The following RAB25 variants were observed in gnomAD, a reference collection of about 807,000 sequenced individuals.
RAB25 encodes RAB25, member RAS oncogene family, also known as ras-related protein Rab-25.
RAB25 carries 23 observed loss-of-function variants against 25.2 expected under a neutral mutation model. The observed-to-expected ratio is 0.91, with a 90% CI of 0.66 to 1.29. RAB25 has a LOEUF of 1.29. Among genes scored for constraint, RAB25 ranks in the 50% most tolerant of loss-of-function variants. The pLI is 0.00. For missense variants in RAB25, 244 were observed against 277.3 expected (o/e 0.88, Z 0.85); for synonymous variants, 102 against 111.5 (o/e 0.91, Z 0.54).
chr1:156,068,205 C>G (rs1475447266), intron 2 of RAB25, 65 bp from the exon 3 acceptor site: 4 of 1,403,552 alleles, frequency 2.8e-6, no homozygotes, highest in Non-Finnish European at 4.0e-6. Flanking sequence ...CTTGACGGCT[C>G]TGCTCTGATG....
intron 1 of RAB25, among the ~76,000 whole-genome samples, chr1:156,064,354 C>T (rs1213191540): frequency 6.6e-6 from 1 of 151,998 alleles, no homozygotes; most frequent in East Asian, 1.9e-4. Flanking sequence ...AATCCTTCCA[C>T]CTCAGCCTCT....
intron 2 of RAB25, 138 bp downstream of exon 2, chr1:156,066,244 A>G: frequency 1.4e-6 from 1 of 733,714 alleles, no homozygotes; most frequent in East Asian, 2.9e-5. Flanking sequence ...AGATCACAGA[A>G]GATAAAAGGT....
rs1647731568 is a variant in RAB25, at chr1:156,066,035, G to A, written c.168G>A (p.Leu56=). 1.2e-6 allele frequency: 2 copies of A among 1,613,590 alleles called. No individual in the cohort carries two copies. Among genetic ancestry groups the A allele is most frequent in the Middle Eastern group, 1.6e-4 (1 of 6,078 alleles). The change falls in exon 2 of 5, where the codon TTG becomes TTA. Residue 56 remains leucine, a synonymous_variant. Coordinates refer to ENST00000361084, the MANE Select transcript of RAB25 (RefSeq NM_020387.4). ...GVEFSTRTVM[L]GTAAVKAQIW... ...AGTTCTCCACCCGCACTGTGATGTT[G>A]GGCACCGCTGCTGTCAAGGCTCAGA...
intron 1 of RAB25, among the ~76,000 whole-genome samples, chr1:156,063,163 T>A (rs554318519): frequency 1.7e-4 from 26 of 149,870 alleles, no homozygotes; most frequent in African/African-American, 5.9e-4. Context: ...TGAGACGGAG[T>A]CTCGCTCTGT....
chr1:156,069,996 A>C, intron 4 of RAB25, 164 bp from the exon 5 acceptor site: 1 of 1,116,602 alleles, frequency 9.0e-7, no homozygotes, highest in Non-Finnish European at 1.3e-6. Context: ...AAGTAAGTAG[A>C]AGGGACCCCT....
intron 2 of RAB25, 129 bp downstream of exon 2, chr1:156,066,235 G>A (rs1208998026): frequency 5.2e-6 from 4 of 766,320 alleles, no homozygotes; most frequent in Non-Finnish European, 5.9e-6. Flanking sequence ...TGGGGATGGA[G>A]ATCACAGAAG....
At position 156,065,925 on chromosome 1, in the gene RAB25, G is replaced by T. The variant is rs187413267; in HGVS notation, c.58G>T (p.Glu20Ter). The T allele has an allele frequency of 6.2e-7, 1 of 1,602,164 alleles. No homozygotes were observed. The highest frequency in any genetic ancestry group is 8.5e-7 in the Non-Finnish European group (1 of 1,171,936). ...CACTCCTTCAGTGGTGCTGATCGGCGAATCAGGTGTGGGGAAGACCAATCT... is the reference window on the plus strand; with the variant it reads ...CACTCCTTCAGTGGTGCTGATCGGCTAATCAGGTGTGGGGAAGACCAATCT... ...NFVFKVVLIG[E>*]SGVGKTNLLS... Residue 20 changes from glutamate to a stop codon, truncating the protein, a stop_gained, in exon 2 of 5, where the codon GAA (glutamate) becomes TAA (stop). Coordinates refer to ENST00000361084, the MANE Select transcript of RAB25 (RefSeq NM_020387.4). LOFTEE classifies it high-confidence loss of function.
chr1:156,070,482 CAAAT>C lies in RAB25; in HGVS notation c.*199_*202del. 1.5e-6 allele frequency: 1 copy of C among 684,046 alleles called. No individual in the cohort carries two copies. The highest frequency in any genetic ancestry group is 2.4e-6 in the Non-Finnish European group (1 of 418,748). 42.4% of individuals were successfully genotyped at this position (684,046 alleles called of 1,614,324 possible). A position where few individuals can be genotyped will look rare whatever the true frequency, so the allele number is the denominator to read the frequency against. On this transcript the variant is annotated 3_prime_UTR_variant, in exon 5 of 5. Coordinates refer to ENST00000361084, the MANE Select transcript of RAB25 (RefSeq NM_020387.4). ...TCCACCCCTCACAGACTAGGACCCT[CAAAT>C]AAAGCTGTTTTATATCAATGCCTGG...
At chr1:156,061,648 T>A (rs1455045728) in intron 1 of RAB25, among the ~76,000 whole-genome samples, 1 of 152,076 alleles carries the variant, frequency 6.6e-6, no homozygotes, top group Non-Finnish European at 1.5e-5. Context: ...TGCTCTACTG[T>A]GGTAAATAAT....
In RAB25 at chr1:156,070,265, G is replaced by A. The variant is rs1558098855; in HGVS notation, c.620G>A (p.Arg207Lys). 5 of 1,613,942 alleles carry A rather than the reference G, an allele frequency of 3.1e-6. No individual in the cohort carries two copies. In the Admixed American group the frequency reaches 5.0e-5, roughly 16 times the overall value. ...AGQEPGPGEK[R>K]ACCISL is the part of the protein sequence containing the mutation. ...CAGGAGCCTGGCCCTGGGGAGAAGA[G>A]GGCCTGTTGCATCAGCCTCTGACCT... The change falls in exon 5 of 5, where the codon AGG becomes AAG. Residue 207 changes from arginine to lysine, a missense_variant. Arg to Lys is a conservative substitution (Grantham distance 26, BLOSUM62 2). Transcript: ENST00000361084.
At chr1:156,069,843 C>A in intron 4 of RAB25, 92 bp downstream of exon 4, 1 of 1,188,694 alleles carries the variant, frequency 8.4e-7, no homozygotes. Flanking sequence ...CTCACCCCAG[C>A]TAATTTCTCA....
chr1:156,067,060 C>G (rs1647765873), intron 2 of RAB25, among the ~76,000 whole-genome samples: 1 of 152,090 alleles, frequency 6.6e-6, no homozygotes, highest in Non-Finnish European at 1.5e-5. Flanking sequence ...AGTGAAACCC[C>G]CGTCTCTACT....
chr1:156,061,535 T>A, intron 1 of RAB25, 92 bp downstream of exon 1: 1 of 1,342,754 alleles, frequency 7.4e-7, no homozygotes, highest in Non-Finnish European at 1.1e-6. Flanking sequence ...TTTTTTTATC[T>A]CTTACCAAGA....
At chr1:156,063,667 G>C (rs1647657856) in intron 1 of RAB25, among the ~76,000 whole-genome samples, 1 of 152,216 alleles carries the variant, frequency 6.6e-6, no homozygotes, top group African/African-American at 2.4e-5. Flanking sequence ...AGACGCTGAA[G>C]GAGCTGACAG....
intron 1 of RAB25, among the ~76,000 whole-genome samples, chr1:156,064,411 T>TTTTTTC (rs1647679296): frequency 1.3e-5 from 2 of 150,212 alleles, no homozygotes; most frequent in South Asian, 4.2e-4. Context: ...TGGCTAATTT[T>TTTTTTC]TTTTTCTTTT....
chr1:156,069,806 C>T, intron 4 of RAB25, 55 bp downstream of exon 4: 1 of 1,456,418 alleles, frequency 6.9e-7, no homozygotes. Flanking sequence ...CTTCTACAGG[C>T]AGCAGTAGGA....
At chr1:156,068,607 G>C in intron 3 of RAB25, 144 bp downstream of exon 3, 1 of 688,610 alleles carries the variant, frequency 1.5e-6, no homozygotes. Flanking sequence ...TCTTCCTCAG[G>C]ATTTCCCAGC....
Position 156,065,894 on chromosome 1 carries a change from T to G in RAB25, c.44-17T>G. ...TGCTCTACCCCATGCTCAGCCCTTA[T>G]CTCTCCACTCCTTCAGTGGTGCTGA... On this transcript the variant is annotated splice_polypyrimidine_tract_variant and intron_variant, in intron 1 of 4. Coordinates refer to ENST00000361084, the MANE Select transcript of RAB25 (RefSeq NM_020387.4). 1 of 1,571,946 alleles carries G rather than the reference T, an allele frequency of 6.4e-7. No individual in the cohort carries two copies. Among genetic ancestry groups the G allele is most frequent in the Non-Finnish European group, 8.7e-7 (1 of 1,152,486 alleles).
At chr1:156,065,783 A>T (rs1368751500) in intron 1 of RAB25, 128 bp from the exon 2 acceptor site, 1 of 692,194 alleles carries the variant, frequency 1.4e-6, no homozygotes, top group Non-Finnish European at 2.3e-6. Context: ...CCAGTCTCAC[A>T]GGAGACTCCG....
Sources: gnomAD v4.1 joint callset for allele counts (sites outside exome capture counted in the v4.1 genomes callset) on GRCh38, gnomAD v4.1.1 for gene constraint, MANE v1.5 for transcripts, NCBI Gene and HGNC (gene_info 2026-07-23, HGNC 2026-07-21) for gene names.